Variants in ARL13B observed in about 807,000 individuals in gnomAD.
ARL13B encodes the protein ARF like GTPase 13B.
A neutral mutation model predicts 56.1 loss-of-function variants in ARL13B; 36 were observed. The observed-to-expected ratio is 0.64, with a 90% CI of 0.49 to 0.85. The LOEUF is 0.85. ARL13B is among the 40% of genes least tolerant of loss of function. ARL13B has a pLI of 0.00. For synonymous variants in ARL13B, 178 were observed against 171.1 expected (o/e 1.04, Z -0.32); for missense variants, 519 against 507.1 (o/e 1.02, Z -0.23).
chr3:93,988,393 A>G (rs1222423445), intron 1 of ARL13B, among the ~76,000 whole-genome samples: 1 of 152,228 alleles, frequency 6.6e-6, no homozygotes, highest in African/African-American at 2.4e-5. Flanking sequence ...CATCCAAGAC[A>G]GTCAAAACTT....
intron 4 of ARL13B, 59 bp downstream of exon 4, chr3:94,035,495 T>C (rs370387647): frequency 2.4e-6 from 3 of 1,229,200 alleles, no homozygotes. Context: ...AGGTTCAGTA[T>C]AACTTGGTTT....
intron 7 of ARL13B, among the ~76,000 whole-genome samples, chr3:94,044,770 G>A (rs567449828): frequency 1.0e-4 from 14 of 135,720 alleles, no homozygotes; most frequent in East Asian, 9.2e-4. Context: ...CGGCCGCCCC[G>A]AATGGGAAGT....
chr3:94,037,626 G>GT (rs1209724072), intron 5 of ARL13B, among the ~76,000 whole-genome samples: 1 of 151,832 alleles, frequency 6.6e-6, no homozygotes, highest in Non-Finnish European at 1.5e-5. Context: ...GAGAATATTT[G>GT]TTTTTTTCTT....
intron 3 of ARL13B, among the ~76,000 whole-genome samples, chr3:94,009,521 A>T (rs1354610360): frequency 6.6e-6 from 1 of 152,124 alleles, no homozygotes; most frequent in Non-Finnish European, 1.5e-5. Context: ...AGTATGTTAA[A>T]CATTTAAATA....
chr3:94,029,478 G>C (rs1391962011), intron 3 of ARL13B, among the ~76,000 whole-genome samples: 1 of 150,092 alleles, frequency 6.7e-6, no homozygotes, highest in Non-Finnish European at 1.5e-5. Context: ...CCCATAAGTA[G>C]CTGGGATTAC....
chr3:94,018,040 A>AT (rs1004116636), intron 3 of ARL13B, among the ~76,000 whole-genome samples: 2 of 152,054 alleles, frequency 1.3e-5, no homozygotes, highest in African/African-American at 2.4e-5. Context: ...ATTTGTATAT[A>AT]TTTTTTCATT....
intron 8 of ARL13B, among the ~76,000 whole-genome samples, chr3:94,049,955 A>C (rs932300085): frequency 1.3e-5 from 2 of 151,004 alleles, no homozygotes; most frequent in Non-Finnish European, 1.5e-5. Flanking sequence ...GTTCGAGATC[A>C]ACCTGGCCAA....
At chr3:94,045,184 C>T (rs2076959279) in intron 7 of ARL13B, among the ~76,000 whole-genome samples, 1 of 152,076 alleles carries the variant, frequency 6.6e-6, no homozygotes, top group African/African-American at 2.4e-5. Flanking sequence ...TGTGTCAACT[C>T]AGGGTTAAAT....
intron 3 of ARL13B, among the ~76,000 whole-genome samples, chr3:94,026,969 A>G (rs1159069799): frequency 2.6e-5 from 4 of 152,158 alleles, no homozygotes; most frequent in African/African-American, 4.8e-5. Context: ...TCTCTGCCCT[A>G]TTACAGACAC....
chr3:93,981,554 A>G (rs1710216645), intron 1 of ARL13B, among the ~76,000 whole-genome samples: 1 of 152,180 alleles, frequency 6.6e-6, no homozygotes, highest in Admixed American at 6.5e-5. Flanking sequence ...CTGAATTTGA[A>G]TGTTTTAAAT....
At chr3:94,035,148 A>G (rs1428245407) in intron 3 of ARL13B, among the ~76,000 whole-genome samples, 183 bp from the exon 4 acceptor site, 4 of 151,956 alleles carry the variant, frequency 2.6e-5, no homozygotes, top group Non-Finnish European at 4.4e-5. Flanking sequence ...GAGGCAGGAG[A>G]ATCACTTGAA....
At chr3:94,031,585 A>G (rs774126471) in intron 3 of ARL13B, among the ~76,000 whole-genome samples, 1 of 152,186 alleles carries the variant, frequency 6.6e-6, no homozygotes, top group Non-Finnish European at 1.5e-5. Context: ...CCTTAAAAAG[A>G]GCAATAACTG....
intron 3 of ARL13B, among the ~76,000 whole-genome samples, chr3:94,033,235 G>A (rs2076708158): frequency 6.6e-6 from 1 of 152,088 alleles, no homozygotes; most frequent in African/African-American, 2.4e-5. Context: ...TGGAAGGGGA[G>A]TTAGAGATGA....
intron 2 of ARL13B, among the ~76,000 whole-genome samples, chr3:93,999,690 T>C (rs2076022779): frequency 1.3e-5 from 2 of 152,200 alleles, no homozygotes; most frequent in South Asian, 4.1e-4. Flanking sequence ...TCACAATAGC[T>C]TCTTAATATA....
At position 94,003,668 on chromosome 3, in the gene ARL13B, A is replaced by C; in HGVS notation, c.140A>C (p.Glu47Ala). The C allele has an allele frequency of 6.2e-7, 1 of 1,613,248 alleles. No homozygotes were observed. Among genetic ancestry groups the C allele is most frequent in the Non-Finnish European group, 8.5e-7 (1 of 1,179,472 alleles). Residue 47 changes from glutamate to alanine, a missense_variant, in exon 3 of 10, where the codon GAA (glutamate) becomes GCA (alanine). Coordinates refer to ENST00000394222, the MANE Select transcript of ARL13B (RefSeq NM_001174150.2). ...GTATCATTTGTAACAGAATACCCTG[A>C]AGATGTAGCTCCTACTGTTGGATTT... ...TAKGIQGEYP[E>A]DVAPTVGFSK...
intron 3 of ARL13B, among the ~76,000 whole-genome samples, chr3:94,022,870 C>A (rs944899120): frequency 6.6e-6 from 1 of 151,936 alleles, no homozygotes. Context: ...AAGTTTTTCA[C>A]CTGCTTAATT....
At position 94,052,114 on chromosome 3, in the gene ARL13B, TATAA is replaced by T. The variant is rs370172498; in HGVS notation, c.1211-1069_1211-1066del. On this transcript the variant is annotated intron_variant, in intron 9 of 9. Coordinates refer to ENST00000394222, the MANE Select transcript of ARL13B (RefSeq NM_001174150.2). ...TGTGTACGTTAGAATACATTGTCAA[TATAA>T]ATATTCACTATGTTGTTAGAAAACT... Among the ~76,000 whole-genome samples the T allele has an allele frequency of 2.0e-4, 31 of 152,244 alleles. No homozygotes were observed. The South Asian group carries it at 5.8e-3, about 28-fold the overall frequency.
At chr3:94,006,806 C>T (rs903313936) in intron 3 of ARL13B, among the ~76,000 whole-genome samples, 5 of 152,170 alleles carry the variant, frequency 3.3e-5, no homozygotes, top group African/African-American at 7.2e-5. Context: ...TTTCTTTAAA[C>T]TAACATAACC....
chr3:94,036,244 A>AT (rs1479113190), intron 4 of ARL13B, among the ~76,000 whole-genome samples: 5 of 152,124 alleles, frequency 3.3e-5, no homozygotes, highest in African/African-American at 1.2e-4. Flanking sequence ...ACTTCCTGGC[A>AT]TTTTTAATCA....
Sources: allele counts gnomAD v4.1 joint callset (sites outside exome capture counted in the v4.1 genomes callset), GRCh38; gene constraint gnomAD v4.1.1; transcripts MANE v1.5; gene names NCBI Gene and HGNC (gene_info 2026-07-23, HGNC 2026-07-21).